The following HOPX variants were observed in gnomAD, a reference collection of about 807,000 sequenced individuals.
The protein encoded by HOPX is homeodomain-only protein.
In HOPX, 5 loss-of-function variants were observed where a neutral mutation model predicts 11.8. The observed-to-expected ratio is 0.43, with a 90% CI of 0.22 to 0.89. The LOEUF (loss-of-function observed/expected upper bound fraction) is 0.89, where lower values mean the gene tolerates loss of function less well. Ranked by LOEUF, HOPX falls within the 40% of genes least tolerant of loss-of-function variation. The pLI, the probability that HOPX is intolerant of heterozygous loss-of-function variation, is 0.28. For missense variants in HOPX, 119 were observed against 120.0 expected (o/e 0.99, Z 0.04); for synonymous variants, 49 against 49.7 (o/e 0.99, Z 0.06).
chr4:56,665,432 A>G (rs1316234079), intron 1 of HOPX: 1 of 152,256 alleles, frequency 6.6e-6, no homozygotes, highest in African/African-American at 2.4e-5. Flanking sequence ...AAACAATGGC[A>G]TTTGACATGA....
chr4:56,652,739 G>A (rs1717330289), intron 3 of HOPX, among the ~76,000 whole-genome samples: 1 of 152,110 alleles, frequency 6.6e-6, no homozygotes, highest in South Asian at 2.1e-4. Context: ...AGGATTGCCT[G>A]AGGCTGGGAG....
chr4:56,681,050 G>A, intron 1 of HOPX: 1 of 985,256 alleles, frequency 1.0e-6, no homozygotes, highest in Non-Finnish European at 1.2e-6. Context: ...TCGACCCCAT[G>A]CAGTTTTGTT....
chr4:56,669,280 G>A (rs891920531), intron 1 of HOPX, among the ~76,000 whole-genome samples: 3 of 143,788 alleles, frequency 2.1e-5, no homozygotes, highest in East Asian at 4.0e-4. Context: ...AAGGGACAAC[G>A]GAGGAACCCA....
rs184884222 is a variant in HOPX at position 56,650,905 on chromosome 4, C to G, written c.199-2108G>C. ...CCCATTTTCTTCTGTAACCTGTGTG[C>G]GTGTGTTTAGTTAACTCTGGATTCT... On this transcript the variant is annotated intron_variant, in intron 3 of 3. Transcript: ENST00000420433. 6.3e-6 allele frequency: 8 copies of G among 1,261,396 alleles called. No individual in the cohort carries two copies. The Admixed American group carries it at 2.3e-4, about 36-fold the overall frequency. 78.1% of individuals were successfully genotyped at this position (1,261,396 alleles called of 1,614,324 possible).
chr4:56,673,653 T>C (rs978402860), intron 1 of HOPX, among the ~76,000 whole-genome samples: 1 of 152,216 alleles, frequency 6.6e-6, no homozygotes, highest in Admixed American at 6.5e-5. Flanking sequence ...AGTGGCTTTA[T>C]AGCCTTCTCT....
Position 56,671,047 on chromosome 4 carries a change from T to C in HOPX, c.-84+10208A>G, listed in dbSNP as rs998443447. On this transcript the variant is annotated intron_variant, in intron 1 of 3. Coordinates refer to ENST00000420433, the MANE Select transcript of HOPX (RefSeq NM_032495.6). Reference sequence around the variant, plus strand: ...GAATCAAGTAGATAAAATTGTCATATTGCTCTGTAGACATCCAATCACTTT... The same window carrying C: ...GAATCAAGTAGATAAAATTGTCATACTGCTCTGTAGACATCCAATCACTTT... Among the ~76,000 whole-genome samples, 37 of 152,210 alleles carry C rather than the reference T, an allele frequency of 2.4e-4. 1 individual carries two copies. Among genetic ancestry groups the C allele is most frequent in the African/African-American group, 8.9e-4 (37 of 41,476 alleles).
chr4:56,653,599 T>C (rs1006399313), intron 3 of HOPX, among the ~76,000 whole-genome samples: 3 of 152,126 alleles, frequency 2.0e-5, no homozygotes, highest in African/African-American at 4.8e-5. Flanking sequence ...GGGTTCCAGA[T>C]GCTTCCCTGC....
chr4:56,655,142 G>C (rs4324602), intron 3 of HOPX, among the ~76,000 whole-genome samples: 74,489 of 151,756 alleles, frequency 0.49, 19,116 homozygotes, highest in African/African-American at 0.64. Context: ...GGCTGCCGCT[G>C]CCGTCAGCTG....
chr4:56,674,791 C>T (rs1232991426), intron 1 of HOPX, among the ~76,000 whole-genome samples: 1 of 151,228 alleles, frequency 6.6e-6, no homozygotes, highest in African/African-American at 2.5e-5. Context: ...GTTGCCCAGA[C>T]TGGAGTACAG....
intron 1 of HOPX, chr4:56,680,944 T>G: frequency 1.3e-6 from 1 of 790,808 alleles, no homozygotes; most frequent in Non-Finnish European, 1.5e-6. Flanking sequence ...AAATGCTGGT[T>G]TCAAAGTTAT....
chr4:56,681,039 C>T, intron 1 of HOPX: 1 of 985,246 alleles, frequency 1.0e-6, no homozygotes, highest in Non-Finnish European at 1.2e-6. Context: ...CCAAATTCCC[C>T]TCGACCCCAT....
At chr4:56,677,740 G>A (rs1457441047) in intron 1 of HOPX, among the ~76,000 whole-genome samples, 1 of 151,516 alleles carries the variant, frequency 6.6e-6, no homozygotes, top group South Asian at 2.1e-4. Flanking sequence ...GCCACAGACA[G>A]GAAGGACAGA....
chr4:56,673,421 A>G (rs886645193), intron 1 of HOPX, among the ~76,000 whole-genome samples: 1 of 152,198 alleles, frequency 6.6e-6, no homozygotes, highest in Non-Finnish European at 1.5e-5. Flanking sequence ...TTTAAAAAAT[A>G]AAAGATTGGT....
chr4:56,650,791 T>C, intron 3 of HOPX: 3 of 1,550,098 alleles, frequency 1.9e-6, no homozygotes, highest in Non-Finnish European at 2.6e-6. Context: ...CATATTTTGC[T>C]CCTGGAGATC....
At chr4:56,671,789 A>C (rs1158700015) in intron 1 of HOPX, among the ~76,000 whole-genome samples, 12 of 152,218 alleles carry the variant, frequency 7.9e-5, no homozygotes, top group Non-Finnish European at 1.5e-5. Flanking sequence ...GTGATACTGC[A>C]GAAAGAGATT....
chr4:56,657,515 A>C (rs1053756505), intron 2 of HOPX, among the ~76,000 whole-genome samples: 12 of 152,072 alleles, frequency 7.9e-5, no homozygotes, highest in African/African-American at 2.9e-4. Flanking sequence ...CCTTTGGGTC[A>C]CTCTGAAGGG....
intron 3 of HOPX, among the ~76,000 whole-genome samples, chr4:56,655,584 A>C (rs7675601): frequency 0.49 from 74,553 of 151,726 alleles, 19,164 homozygotes; most frequent in African/African-American, 0.64. Flanking sequence ...AGTGGAAAAG[A>C]AAGGACTGGT....
At chr4:56,665,723 T>A (rs1016734694) in intron 1 of HOPX, 2 of 152,298 alleles carry the variant, frequency 1.3e-5, no homozygotes, top group African/African-American at 4.8e-5. Context: ...GCAGCAACAC[T>A]ATGTGTTCTT....
At chr4:56,655,739 A>G in intron 3 of HOPX, 118 bp downstream of exon 3, 1 of 1,179,136 alleles carries the variant, frequency 8.5e-7, no homozygotes, top group Non-Finnish European at 1.2e-6. Flanking sequence ...GGCAGAAGCG[A>G]TGGGAGATCA....
Sources: gnomAD v4.1 joint callset for allele counts (sites outside exome capture counted in the v4.1 genomes callset) on GRCh38, gnomAD v4.1.1 for gene constraint, MANE v1.5 for transcripts, NCBI Gene and HGNC (gene_info 2026-07-23, HGNC 2026-07-21) for gene names.